CTNNA3: variants seen among roughly 807,000 people sequenced by gnomAD.
The protein encoded by CTNNA3 is catenin alpha-3.
A neutral mutation model predicts 95.7 loss-of-function variants in CTNNA3; 76 were observed. That is an observed-to-expected ratio of 0.79 (90% CI 0.66 to 0.96). The LOEUF is 0.96. Among genes scored for constraint, CTNNA3 ranks in the 40% least tolerant of loss-of-function variants. CTNNA3 has a pLI of 0.00. For synonymous variants in CTNNA3, 431 were observed against 374.4 expected (o/e 1.15, Z -1.74); for missense variants, 1,191 against 1,089.8 (o/e 1.09, Z -1.31).
At chr10:66,761,610 G>T (rs1353969816) in intron 9 of CTNNA3, among the ~76,000 whole-genome samples, 1 of 152,070 alleles carries the variant, frequency 6.6e-6, no homozygotes, top group African/African-American at 2.4e-5. Flanking sequence ...ATTGATTTTA[G>T]AGAAATATTA....
At chr10:67,039,320 A>G (rs2133139361) in intron 7 of CTNNA3, among the ~76,000 whole-genome samples, 1 of 152,260 alleles carries the variant, frequency 6.6e-6, no homozygotes, top group Admixed American at 6.5e-5. Context: ...GTTAACATAA[A>G]TGCTAAAATA....
chr10:65,942,379 TA>T (rs2077443870), intron 17 of CTNNA3, among the ~76,000 whole-genome samples: 1 of 152,008 alleles, frequency 6.6e-6, no homozygotes, highest in African/African-American at 2.4e-5. Flanking sequence ...ATACAAAAAT[TA>T]GCCAGGTGTG....
intron 5 of CTNNA3, among the ~76,000 whole-genome samples, chr10:67,327,264 A>G (rs933536938): frequency 6.6e-6 from 1 of 152,126 alleles, no homozygotes; most frequent in East Asian, 1.9e-4. Context: ...CCCTTGCTGG[A>G]GAGGTGATGT....
At chr10:67,249,913 A>G (rs1240303304) in intron 5 of CTNNA3, among the ~76,000 whole-genome samples, 3 of 152,236 alleles carry the variant, frequency 2.0e-5, no homozygotes, top group Non-Finnish European at 4.4e-5. Flanking sequence ...CATGGGTAGA[A>G]CACGCATACT....
chr10:66,412,748 C>G (rs781636275), intron 11 of CTNNA3, among the ~76,000 whole-genome samples: 2 of 151,848 alleles, frequency 1.3e-5, no homozygotes, highest in Non-Finnish European at 2.9e-5. Flanking sequence ...CATTAGTCAC[C>G]GCGCCTGGCC....
chr10:67,387,924 A>G (rs1320350949), intron 5 of CTNNA3, among the ~76,000 whole-genome samples: 2 of 152,114 alleles, frequency 1.3e-5, no homozygotes, highest in African/African-American at 2.4e-5. Flanking sequence ...CACCATCATC[A>G]AAGACCAAAA....
chr10:66,454,812 G>C (rs2093485355), intron 11 of CTNNA3, among the ~76,000 whole-genome samples: 3 of 136,574 alleles, frequency 2.2e-5, no homozygotes, highest in South Asian at 2.8e-4. Context: ...AGAGGAGGGA[G>C]AGGAGGGGGA....
At chr10:65,989,034 G>A (rs896139456) in intron 15 of CTNNA3, among the ~76,000 whole-genome samples, 1 of 152,038 alleles carries the variant, frequency 6.6e-6, no homozygotes. Flanking sequence ...TCCGCTTCTC[G>A]GGTTCAAGCG....
intron 17 of CTNNA3, among the ~76,000 whole-genome samples, chr10:65,948,851 T>C (rs1052986979): frequency 1.3e-5 from 2 of 152,228 alleles, no homozygotes; most frequent in Admixed American, 1.3e-4. Context: ...AAGAAATGTC[T>C]ATGCTGTCTA....
intron 13 of CTNNA3, among the ~76,000 whole-genome samples, chr10:66,127,076 G>T (rs548167051): frequency 6.6e-6 from 1 of 151,858 alleles, no homozygotes; most frequent in African/African-American, 2.4e-5. Context: ...AGACCATCCT[G>T]CTGGCTAACA....
intron 7 of CTNNA3, among the ~76,000 whole-genome samples, chr10:66,998,013 C>A (rs146676463): frequency 1.3e-5 from 2 of 152,332 alleles, no homozygotes; most frequent in African/African-American, 4.8e-5. Flanking sequence ...ACTGGCCTCC[C>A]TGCCCACCAG....
Position 65,979,120 on chromosome 10 carries a change from G to T in CTNNA3, c.2265+9572C>A, listed in dbSNP as rs72791416. Reference sequence around the variant, plus strand: ...TGCTGTTAAAATCCTGTCATATTTTGTCCATATTTAGGCTGAAATTGTCTT... The same window carrying T: ...TGCTGTTAAAATCCTGTCATATTTTTTCCATATTTAGGCTGAAATTGTCTT... On this transcript the variant is annotated intron_variant, in intron 16 of 17. Transcript: ENST00000433211. 5.3e-3 allele frequency among the ~76,000 whole-genome samples: 811 copies of T among 152,094 alleles called. 1 individual carries two copies. The highest frequency in any genetic ancestry group is 9.6e-3 in the Non-Finnish European group (655 of 67,934).
At chr10:66,024,926 A>G (rs2079305622) in intron 15 of CTNNA3, among the ~76,000 whole-genome samples, 1 of 152,210 alleles carries the variant, frequency 6.6e-6, no homozygotes, top group South Asian at 2.1e-4. Flanking sequence ...CTGATTATTT[A>G]CAGATCATGA....
At chr10:67,750,943 G>T in intron 1 of CTNNA3, 1 of 1,608,778 alleles carries the variant, frequency 6.2e-7, no homozygotes, top group Admixed American at 1.7e-5. Flanking sequence ...TAGACTTTGG[G>T]CCAAGCCAGA....
intron 17 of CTNNA3, among the ~76,000 whole-genome samples, chr10:65,921,798 T>C (rs2133110981): frequency 6.6e-6 from 1 of 152,342 alleles, no homozygotes; most frequent in East Asian, 1.9e-4. Flanking sequence ...ATGTAGCCTA[T>C]GATCTTGAGT....
intron 9 of CTNNA3, among the ~76,000 whole-genome samples, chr10:66,722,234 C>T (rs1019802221): frequency 4.0e-5 from 6 of 151,832 alleles, no homozygotes; most frequent in South Asian, 4.2e-4. Flanking sequence ...AAAAATTAGC[C>T]GGGCGTGGTG....
intron 9 of CTNNA3, among the ~76,000 whole-genome samples, chr10:66,714,278 A>T (rs1848385222): frequency 6.6e-6 from 1 of 152,144 alleles, no homozygotes; most frequent in Non-Finnish European, 1.5e-5. Flanking sequence ...CATGATATTC[A>T]ATTAAATTGC....
chr10:66,665,124 T>G (rs1201103742), intron 9 of CTNNA3, among the ~76,000 whole-genome samples: 3 of 152,148 alleles, frequency 2.0e-5, no homozygotes, highest in Non-Finnish European at 4.4e-5. Context: ...CACAAGGTCT[T>G]CTCTTGCCAT....
chr10:66,339,891 C>G (rs1017243373), intron 12 of CTNNA3, among the ~76,000 whole-genome samples: 4 of 151,730 alleles, frequency 2.6e-5, no homozygotes, highest in African/African-American at 9.7e-5. Flanking sequence ...CTCCCTGCTT[C>G]TAATACCCAT....
Sources: gnomAD v4.1 joint callset for allele counts (sites outside exome capture counted in the v4.1 genomes callset) on GRCh38, gnomAD v4.1.1 for gene constraint, MANE v1.5 for transcripts, NCBI Gene and HGNC (gene_info 2026-07-23, HGNC 2026-07-21) for gene names.